The following PTPRD variants were observed in gnomAD, a reference collection of about 807,000 sequenced individuals.
PTPRD encodes receptor-type tyrosine-protein phosphatase delta.
A neutral mutation model predicts 214.5 loss-of-function variants in PTPRD; 34 were observed. The observed-to-expected ratio is 0.16, with a 90% CI of 0.12 to 0.21. PTPRD has a LOEUF of 0.21. PTPRD is among the 10% of genes least tolerant of loss of function. The probability of loss-of-function intolerance (pLI) is 1.00; values close to 1 mark genes in which losing one functional copy is unlikely to be tolerated. For synonymous variants in PTPRD, 1,128 were observed against 845.7 expected (o/e 1.33, Z -5.79); for missense variants, 2,545 against 2,398.7 (o/e 1.06, Z -1.27).
chr9:9,213,958 C>A (rs549109954), intron 9 of PTPRD, among the ~76,000 whole-genome samples: 32 of 89,408 alleles, frequency 3.6e-4, no homozygotes, highest in African/African-American at 1.5e-3. Flanking sequence ...ATATCTTCAT[C>A]TTCTTTTTTT....
chr9:9,878,542 A>G (rs1027686900), intron 5 of PTPRD, among the ~76,000 whole-genome samples: 2 of 152,222 alleles, frequency 1.3e-5, no homozygotes, highest in Non-Finnish European at 2.9e-5. Flanking sequence ...TGAATGTAAG[A>G]GACTTGGTAA....
At chr9:9,139,909 G>C (rs1309528196) in intron 10 of PTPRD, among the ~76,000 whole-genome samples, 1 of 152,012 alleles carries the variant, frequency 6.6e-6, no homozygotes, top group African/African-American at 2.4e-5. Flanking sequence ...ATATAAAAAG[G>C]ATAAATTTGA....
At chr9:10,053,768 C>CT (rs201797298) in intron 3 of PTPRD, among the ~76,000 whole-genome samples, 146 of 151,190 alleles carry the variant, frequency 9.7e-4, no homozygotes, top group African/African-American at 3.4e-3. Flanking sequence ...GACTTCGCAA[C>CT]TTTTTTTTTG....
chr9:10,101,167 T>C (rs1395356103), intron 3 of PTPRD, among the ~76,000 whole-genome samples: 1 of 151,600 alleles, frequency 6.6e-6, no homozygotes, highest in East Asian at 1.9e-4. Context: ...GGAAACTGCT[T>C]GGCTCATGAC....
chr9:9,681,504 G>C (rs530648738), intron 7 of PTPRD, among the ~76,000 whole-genome samples: 89 of 151,646 alleles, frequency 5.9e-4, no homozygotes, highest in African/African-American at 2.1e-3. Flanking sequence ...TGACACATAA[G>C]CCCTACTGAA....
At chr9:8,993,619 A>T (rs974309080) in intron 11 of PTPRD, among the ~76,000 whole-genome samples, 1 of 152,138 alleles carries the variant, frequency 6.6e-6, no homozygotes, top group Non-Finnish European at 1.5e-5. Context: ...AACTAAGATG[A>T]TTATATTTTT....
intron 5 of PTPRD, among the ~76,000 whole-genome samples, chr9:9,929,420 C>G (rs538360716): frequency 6.6e-6 from 1 of 152,216 alleles, no homozygotes; most frequent in African/African-American, 2.4e-5. Context: ...GAGACAGAGT[C>G]TCACTACTCT....
chr9:10,584,929 C>G lies in PTPRD; in HGVS notation c.-600+27469G>C, dbSNP rs570510970. Among the ~76,000 whole-genome samples, 151 of 152,226 alleles carry G rather than the reference C, an allele frequency of 9.9e-4. 1 individual carries two copies. The highest frequency in any genetic ancestry group is 1.6e-3 in the Non-Finnish European group (112 of 67,992). ...TTAGATGCACCTTTAAACCATCACC[C>G]AAACTACTCTCAGGCCAAAAATTGC... On this transcript the variant is annotated intron_variant, in intron 2 of 45. Transcript: ENST00000381196.
intron 30 of PTPRD, among the ~76,000 whole-genome samples, chr9:8,482,974 G>T (rs890279727): frequency 1.3e-5 from 2 of 152,162 alleles, no homozygotes; most frequent in African/African-American, 2.4e-5. Flanking sequence ...TATCATTAAC[G>T]CTTACTACAT....
chr9:10,141,591 G>A lies in PTPRD; in HGVS notation c.-544-107801C>T, dbSNP rs931817433. ...GGAGAACTACAAACCACTGCTCAAC[G>A]AAATAAAAGAGGATACAAACAAATG... On this transcript the variant is annotated intron_variant, in intron 3 of 45. Coordinates refer to ENST00000381196, the MANE Select transcript of PTPRD (RefSeq NM_002839.4). Among the ~76,000 whole-genome samples, 10 of 152,112 alleles carry A rather than the reference G, an allele frequency of 6.6e-5. No homozygotes were observed. The South Asian group carries it at 8.3e-4, about 13-fold the overall frequency.
At chr9:9,607,821 A>G (rs547829184) in intron 7 of PTPRD, among the ~76,000 whole-genome samples, 2 of 152,238 alleles carry the variant, frequency 1.3e-5, no homozygotes, top group South Asian at 2.1e-4. Context: ...GCTTGCCCCA[A>G]AAGAGCTTCA....
chr9:9,303,785 A>C (rs1211636574), intron 9 of PTPRD, among the ~76,000 whole-genome samples: 1 of 152,144 alleles, frequency 6.6e-6, no homozygotes, highest in Non-Finnish European at 1.5e-5. Context: ...TCTCAGATAA[A>C]AAGTGAGAAT....
intron 14 of PTPRD, among the ~76,000 whole-genome samples, chr9:8,560,810 T>C (rs1396054839): frequency 2.0e-5 from 3 of 152,136 alleles, no homozygotes; most frequent in Non-Finnish European, 4.4e-5. Flanking sequence ...GAAGGAAATC[T>C]CTACTGGCAA....
chr9:8,485,196 G>C (rs771746176), intron 29 of PTPRD, 31 bp downstream of exon 29: 5 of 1,582,236 alleles, frequency 3.2e-6, no homozygotes, highest in Middle Eastern at 1.7e-4. Context: ...ACTTTTATCT[G>C]TGATTTCTTA....
At chr9:8,964,466 TTAG>T (rs35303441) in intron 11 of PTPRD, among the ~76,000 whole-genome samples, 41,762 of 151,442 alleles carry the variant, frequency 0.28, 6,521 homozygotes, top group Non-Finnish European at 0.35. Flanking sequence ...GTTAATCTAG[TTAG>T]TAGCCTATTG....
Position 8,474,115 on chromosome 9 carries a change from G to A in PTPRD, c.3414-3030C>T, listed in dbSNP as rs1461836833. ...TCCTCCCCTGCCCATGAACCTCAGA[G>A]TCAGGGTTTGGGGTTTCTTTCCTGG... is the stretch of plus-strand genomic sequence containing the variant. On this transcript the variant is annotated intron_variant, in intron 30 of 45. Coordinates refer to ENST00000381196, the MANE Select transcript of PTPRD (RefSeq NM_002839.4). 3.3e-5 allele frequency among the ~76,000 whole-genome samples: 5 copies of A among 152,132 alleles called. 1 individual carries two copies. Among genetic ancestry groups the A allele is most frequent in the South Asian group, 4.1e-4 (2 of 4,830 alleles).
chr9:9,055,302 C>T (rs1033193116), intron 10 of PTPRD, among the ~76,000 whole-genome samples: 1 of 152,064 alleles, frequency 6.6e-6, no homozygotes, highest in Non-Finnish European at 1.5e-5. Flanking sequence ...ATAAAGTGTG[C>T]TCACCACAAA....
intron 2 of PTPRD, among the ~76,000 whole-genome samples, chr9:10,518,733 C>T (rs191371444): frequency 6.6e-4 from 100 of 152,098 alleles, no homozygotes; most frequent in African/African-American, 1.9e-3. Flanking sequence ...AGGGTTTTAC[C>T]GTGTTAGCCA....
At chr9:9,397,321 TA>T (rs2068278817) in intron 9 of PTPRD, 127 bp downstream of exon 9, 1 of 152,190 alleles carries the variant, frequency 6.6e-6, no homozygotes, top group Non-Finnish European at 1.5e-5. Flanking sequence ...CTAAAATGCC[TA>T]ATGAACTGCC....
Sources: gnomAD v4.1 joint callset for allele counts (sites outside exome capture counted in the v4.1 genomes callset) on GRCh38, gnomAD v4.1.1 for gene constraint, MANE v1.5 for transcripts, NCBI Gene and HGNC (gene_info 2026-07-23, HGNC 2026-07-21) for gene names.